The following PEX5L variants were observed in gnomAD, a reference collection of about 807,000 sequenced individuals.
PEX5L encodes the protein peroxisomal biogenesis factor 5 like, also known as PEX5-related protein.
PEX5L carries 30 observed loss-of-function variants against 84.0 expected under a neutral mutation model. The ratio of observed to expected loss-of-function variants is 0.36; its 90% CI spans 0.27 to 0.48. The LOEUF is 0.48. Ranked by LOEUF, PEX5L falls within the 20% of genes least tolerant of loss-of-function variation. The pLI is 0.99. For synonymous variants in PEX5L, 270 were observed against 283.1 expected (o/e 0.95, Z 0.46); for missense variants, 533 against 754.6 (o/e 0.71, Z 3.44).
rs555797576 is a variant in PEX5L at position 179,994,097 on chromosome 3, T to C, written c.22-22432A>G. Among the ~76,000 whole-genome samples the C allele has an allele frequency of 5.8e-4, 88 of 152,340 alleles. 1 individual carries two copies. Among genetic ancestry groups the C allele is most frequent in the South Asian group, 1.0e-3 (5 of 4,824 alleles). ...CTTTCAATGTCTGTGTAGTGTTACA[T>C]AGTTTATCTCTAATGGTGGACATTC... is the stretch of plus-strand genomic sequence containing the variant. On this transcript the variant is annotated intron_variant, in intron 1 of 14. Coordinates refer to ENST00000467460, the MANE Select transcript of PEX5L (RefSeq NM_016559.3).
At chr3:179,960,843 G>T (rs924151447) in intron 2 of PEX5L, among the ~76,000 whole-genome samples, 4 of 152,044 alleles carry the variant, frequency 2.6e-5, no homozygotes, top group Non-Finnish European at 5.9e-5. Context: ...AATTTCATGT[G>T]TCAATTTTGG....
intron 1 of PEX5L, among the ~76,000 whole-genome samples, chr3:179,975,976 T>C (rs904809555): frequency 6.6e-6 from 1 of 152,230 alleles, no homozygotes; most frequent in Non-Finnish European, 1.5e-5. Context: ...GATGTAGGTG[T>C]CTGTATCTAA....
At chr3:179,935,904 T>C (rs1774445373) in intron 2 of PEX5L, among the ~76,000 whole-genome samples, 1 of 152,184 alleles carries the variant, frequency 6.6e-6, no homozygotes, top group Admixed American at 6.5e-5. Flanking sequence ...TTTGGCTCTT[T>C]CTTTTTTTGG....
chr3:179,827,188 A>G (rs1314646060), intron 8 of PEX5L, among the ~76,000 whole-genome samples: 1 of 152,196 alleles, frequency 6.6e-6, no homozygotes. Context: ...CTGTCTTTGA[A>G]TGCCTGCCTT....
intron 11 of PEX5L, 71 bp from the exon 12 acceptor site, chr3:179,809,739 G>A (rs1723003277): frequency 8.7e-7 from 1 of 1,146,968 alleles, no homozygotes. Context: ...CAGAAAATGT[G>A]GGGGGTCTTT....
In PEX5L at chr3:179,797,605, AATATATATAT is replaced by A. The variant is rs568586727; in HGVS notation, c.*4213_*4222del. The A allele has an allele frequency of 3.1e-4, 28 of 89,160 alleles. No individual in the cohort carries two copies. Among genetic ancestry groups the A allele is most frequent in the African/African-American group, 1.1e-3 (24 of 22,218 alleles). 5.5% of individuals were successfully genotyped at this position (89,160 alleles called of 1,614,324 possible). A position where few individuals can be genotyped will look rare whatever the true frequency, so the allele number is the denominator to read the frequency against. On this transcript the variant is annotated 3_prime_UTR_variant, in exon 15 of 15. Transcript: ENST00000467460. ...AACACTCTTTAAAAAAAAAAAAAAA[AATATATATAT>A]ATATATATATATATATCTACTTCTT... is the stretch of plus-strand genomic sequence containing the variant.
At chr3:179,926,953 G>A (rs1327214565) in intron 2 of PEX5L, among the ~76,000 whole-genome samples, 1 of 152,184 alleles carries the variant, frequency 6.6e-6, no homozygotes, top group Admixed American at 6.5e-5. Flanking sequence ...TGTGGACTTA[G>A]GCAGATCCGG....
intron 14 of PEX5L, among the ~76,000 whole-genome samples, chr3:179,805,976 C>T (rs1002215530): frequency 6.7e-6 from 1 of 149,028 alleles, no homozygotes; most frequent in Non-Finnish European, 1.5e-5. Flanking sequence ...TAAAAGCCTC[C>T]TTTAATTGAA....
At chr3:179,815,714 G>T in intron 10 of PEX5L, 147 bp downstream of exon 10, 2 of 789,320 alleles carry the variant, frequency 2.5e-6, no homozygotes, top group Non-Finnish European at 4.0e-6. Flanking sequence ...GTACTTATTT[G>T]TAACTTTTAA....
At chr3:179,986,298 CA>C (rs1279578485) in intron 1 of PEX5L, among the ~76,000 whole-genome samples, 1 of 151,482 alleles carries the variant, frequency 6.6e-6, no homozygotes, top group Non-Finnish European at 1.5e-5. Flanking sequence ...GAAAAGTTTG[CA>C]TATTTTATCA....
At chr3:179,905,132 A>T (rs1762697739) in intron 2 of PEX5L, among the ~76,000 whole-genome samples, 1 of 152,194 alleles carries the variant, frequency 6.6e-6, no homozygotes, top group South Asian at 2.1e-4. Context: ...TGGACCCTTT[A>T]GACCTGAGGC....
intron 8 of PEX5L, among the ~76,000 whole-genome samples, chr3:179,852,776 G>C (rs1742408378): frequency 6.6e-6 from 1 of 152,072 alleles, no homozygotes; most frequent in South Asian, 2.1e-4. Context: ...TACCTCCTCA[G>C]GGTAAAAGTA....
intron 1 of PEX5L, among the ~76,000 whole-genome samples, chr3:179,992,870 GTATGTATGTATGTGTC>G (rs1334504219): frequency 1.3e-5 from 2 of 149,968 alleles, no homozygotes; most frequent in African/African-American, 5.0e-5. Flanking sequence ...TTGCATGTAT[GTATGTATGTATGTGTC>G]TATGTATGTA....
At chr3:179,902,477 T>C (rs1761728224) in intron 2 of PEX5L, among the ~76,000 whole-genome samples, 1 of 152,242 alleles carries the variant, frequency 6.6e-6, no homozygotes, top group Non-Finnish European at 1.5e-5. Context: ...ATAACTTCAC[T>C]CACAAGCACG....
intron 2 of PEX5L, among the ~76,000 whole-genome samples, chr3:179,935,470 G>T (rs1774323331): frequency 6.6e-6 from 1 of 152,016 alleles, no homozygotes; most frequent in African/African-American, 2.4e-5. Context: ...GGGCCACTGG[G>T]GCCTCCACCC....
chr3:179,869,492 C>A lies in PEX5L; in HGVS notation c.726+4835G>T, dbSNP rs984885530. 7.9e-5 allele frequency among the ~76,000 whole-genome samples: 12 copies of A among 152,166 alleles called. 1 individual carries two copies. On this transcript the variant is annotated intron_variant, in intron 7 of 14. Coordinates refer to ENST00000467460, the MANE Select transcript of PEX5L (RefSeq NM_016559.3). ...TATATAATTTATTATCACCTCCAGT[C>A]ACTCTGATTAGTGTATTGTTGGGGC...
At position 180,008,390 on chromosome 3, in the gene PEX5L, T is replaced by A. The variant is rs371047856; in HGVS notation, c.21+28189A>T. ...TGGGCGAAGCCATTCAACAAGTCTCTAGGAAGACCCAAATTTTCCCACATT... is the reference window on the plus strand; with the variant it reads ...TGGGCGAAGCCATTCAACAAGTCTCAAGGAAGACCCAAATTTTCCCACATT... On this transcript the variant is annotated intron_variant, in intron 1 of 14. Coordinates refer to ENST00000467460, the MANE Select transcript of PEX5L (RefSeq NM_016559.3). Among the ~76,000 whole-genome samples the A allele has an allele frequency of 1.1e-4, 16 of 152,332 alleles. 2 individuals are homozygous for A. Among genetic ancestry groups the A allele is most frequent in the African/African-American group, 3.6e-4 (15 of 41,590 alleles).
intron 11 of PEX5L, among the ~76,000 whole-genome samples, chr3:179,811,433 G>A (rs1723812643): frequency 6.6e-6 from 1 of 152,076 alleles, no homozygotes; most frequent in Admixed American, 6.6e-5. Context: ...CTGCTCCAAC[G>A]TCATCCAGAC....
intron 8 of PEX5L, among the ~76,000 whole-genome samples, chr3:179,839,420 G>A (rs1736198936): frequency 6.6e-6 from 1 of 152,182 alleles, no homozygotes; most frequent in East Asian, 1.9e-4. Context: ...TTTTACAGAT[G>A]TAACTGCTGG....
Sources: allele counts gnomAD v4.1 joint callset (sites outside exome capture counted in the v4.1 genomes callset), GRCh38; gene constraint gnomAD v4.1.1; transcripts MANE v1.5; gene names NCBI Gene and HGNC (gene_info 2026-07-23, HGNC 2026-07-21).